Variants in GPC5 observed in about 807,000 individuals in gnomAD.
The protein encoded by GPC5 is glypican-5.
GPC5 carries 47 observed loss-of-function variants against 53.9 expected under a neutral mutation model. The observed-to-expected ratio is 0.87, with a 90% CI of 0.69 to 1.11. The LOEUF (loss-of-function observed/expected upper bound fraction) is 1.11, where lower values mean the gene tolerates loss of function less well. Among genes scored for constraint, GPC5 ranks in the 50% most tolerant of loss-of-function variants. The probability of loss-of-function intolerance (pLI) is 0.00; values close to 1 mark genes in which losing one functional copy is unlikely to be tolerated. For missense variants in GPC5, 748 were observed against 713.1 expected (o/e 1.05, Z -0.56); for synonymous variants, 286 against 263.3 (o/e 1.09, Z -0.84).
intron 7 of GPC5, among the ~76,000 whole-genome samples, chr13:92,864,265 T>G (rs1206729661): frequency 6.6e-6 from 1 of 152,146 alleles, no homozygotes; most frequent in Admixed American, 6.6e-5. Flanking sequence ...ACTGTTACAT[T>G]TATTTATTAG....
At chr13:92,818,577 G>C (rs953909457) in intron 7 of GPC5, among the ~76,000 whole-genome samples, 9 of 151,934 alleles carry the variant, frequency 5.9e-5, no homozygotes, top group African/African-American at 1.9e-4. Flanking sequence ...ACAAACTGCA[G>C]GTATTGAAAG....
intron 7 of GPC5, among the ~76,000 whole-genome samples, chr13:92,335,411 C>A (rs77478580): frequency 2.6e-5 from 4 of 152,082 alleles, no homozygotes; most frequent in African/African-American, 9.7e-5. Context: ...TCAAAGCAAC[C>A]ATTTTTCTTT....
chr13:91,436,186 T>C (rs1245872475), intron 1 of GPC5, among the ~76,000 whole-genome samples: 1 of 152,212 alleles, frequency 6.6e-6, no homozygotes, highest in African/African-American at 2.4e-5. Context: ...CTCTATTTCC[T>C]TCAGTTCTGC....
intron 7 of GPC5, among the ~76,000 whole-genome samples, chr13:92,801,895 A>G (rs1353401327): frequency 6.6e-6 from 1 of 151,898 alleles, no homozygotes; most frequent in East Asian, 1.9e-4. Context: ...AGGGTCAAAA[A>G]GTTTAAAAAC....
chr13:92,421,698 C>CAAAAAAAAAAAAAAAAAAAAAAA (rs34055682), intron 7 of GPC5, among the ~76,000 whole-genome samples: 7 of 69,486 alleles, frequency 1.0e-4, no homozygotes, highest in African/African-American at 3.8e-4. Flanking sequence ...GACTCCGTCT[C>CAAAAAAAAAAAAAAAAAAAAAAA]AAAAAAAAAA....
intron 4 of GPC5, among the ~76,000 whole-genome samples, chr13:91,732,698 A>G (rs948577376): frequency 2.0e-5 from 3 of 152,110 alleles, no homozygotes; most frequent in Non-Finnish European, 2.9e-5. Context: ...TAATTTTTAT[A>G]TAGGGTGTAA....
chr13:91,558,053 T>C (rs1318329486), intron 2 of GPC5, among the ~76,000 whole-genome samples: 1 of 152,116 alleles, frequency 6.6e-6, no homozygotes, highest in Non-Finnish European at 1.5e-5. Flanking sequence ...AGCATATTTT[T>C]TAAGTTTTAG....
intron 1 of GPC5, among the ~76,000 whole-genome samples, chr13:91,403,093 G>A (rs955725955): frequency 6.6e-5 from 10 of 152,196 alleles, no homozygotes; most frequent in South Asian, 2.1e-4. Context: ...CTGAAATTGC[G>A]ACTCTATTTC....
At chr13:91,875,284 G>A (rs1383883761) in intron 5 of GPC5, among the ~76,000 whole-genome samples, 1 of 152,080 alleles carries the variant, frequency 6.6e-6, no homozygotes, top group Non-Finnish European at 1.5e-5. Flanking sequence ...TCCTTTGTTT[G>A]CATCTTCCCC....
chr13:92,440,257 C>T (rs1375196787), intron 7 of GPC5, among the ~76,000 whole-genome samples: 2 of 152,208 alleles, frequency 1.3e-5, no homozygotes, highest in Admixed American at 6.5e-5. Flanking sequence ...CCCTCCCTCT[C>T]TCTCCATTGT....
At chr13:92,057,044 C>T (rs1222572598) in intron 6 of GPC5, among the ~76,000 whole-genome samples, 2 of 152,118 alleles carry the variant, frequency 1.3e-5, no homozygotes, top group African/African-American at 4.8e-5. Flanking sequence ...AGGTGGGGTC[C>T]ATTGCCCCTT....
At chr13:92,747,773 T>C (rs1255640282) in intron 7 of GPC5, among the ~76,000 whole-genome samples, 4 of 152,208 alleles carry the variant, frequency 2.6e-5, no homozygotes, top group Non-Finnish European at 4.4e-5. Context: ...TGAGCTGCTA[T>C]TGATTGGGCA....
chr13:92,412,015 C>T (rs548345680), intron 7 of GPC5, among the ~76,000 whole-genome samples: 241 of 152,194 alleles, frequency 1.6e-3, no homozygotes, highest in Admixed American at 6.0e-3. Context: ...CACACTCTAC[C>T]CACACACAAA....
At chr13:91,761,560 C>T (rs1303635690) in intron 5 of GPC5, among the ~76,000 whole-genome samples, 1 of 152,114 alleles carries the variant, frequency 6.6e-6, no homozygotes, top group East Asian at 1.9e-4. Context: ...TCTACAACCC[C>T]CTCTTTGGGT....
chr13:91,674,611 ATGTG>A, intron 2 of GPC5, among the ~76,000 whole-genome samples: 1 of 147,088 alleles, frequency 6.8e-6, no homozygotes, highest in African/African-American at 2.5e-5. Flanking sequence ...ATATATGCGT[ATGTG>A]TATATATACG....
intron 7 of GPC5, among the ~76,000 whole-genome samples, chr13:92,222,027 T>G (rs2139088996): frequency 6.6e-6 from 1 of 152,348 alleles, no homozygotes; most frequent in African/African-American, 2.4e-5. Flanking sequence ...AGTTGGATTC[T>G]TGACCTTTTG....
rs184175115 is a variant in GPC5, at chr13:92,512,171, C to T, written c.1562-354111C>T. Among the ~76,000 whole-genome samples the T allele has an allele frequency of 3.8e-3, 578 of 152,200 alleles. 1 individual carries two copies. Among genetic ancestry groups the T allele is most frequent in the Non-Finnish European group, 4.6e-3 (314 of 68,028 alleles). ...TCTTATATTAACTAAATTTTCTCCC[C>T]GATTCTGCCCTGGCAACACTTAATG... is the stretch of plus-strand genomic sequence containing the variant. On this transcript the variant is annotated intron_variant, in intron 7 of 7. Coordinates refer to ENST00000377067, the MANE Select transcript of GPC5 (RefSeq NM_004466.6).
rs965410693 is a variant in GPC5, at chr13:92,309,339, A to G, written c.1561+164350A>G. Among the ~76,000 whole-genome samples, 5 of 152,086 alleles carry G rather than the reference A, an allele frequency of 3.3e-5. 1 individual carries two copies. Among genetic ancestry groups the G allele is most frequent in the Non-Finnish European group, 7.4e-5 (5 of 67,932 alleles). On this transcript the variant is annotated intron_variant, in intron 7 of 7. Transcript: ENST00000377067. ...TATATGATTTCTCAAGGCTTGTTTC[A>G]CACATCTGACTAGAGGTAGACATGA...
chr13:92,542,323 A>G (rs1390262315), intron 7 of GPC5, among the ~76,000 whole-genome samples: 1 of 151,930 alleles, frequency 6.6e-6, no homozygotes, highest in Admixed American at 6.6e-5. Flanking sequence ...CAACCTCACC[A>G]TATTTATTCC....
Sources: gnomAD v4.1 joint callset for allele counts (sites outside exome capture counted in the v4.1 genomes callset) on GRCh38, gnomAD v4.1.1 for gene constraint, MANE v1.5 for transcripts, NCBI Gene and HGNC (gene_info 2026-07-23, HGNC 2026-07-21) for gene names.